Variants in ANKRD11 observed in about 807,000 individuals in gnomAD.
ANKRD11 encodes ankyrin repeat domain-containing protein 11.
A neutral mutation model predicts 195.7 loss-of-function variants in ANKRD11; 17 were observed. That is an observed-to-expected ratio of 0.09 (90% CI 0.06 to 0.13). The LOEUF (loss-of-function observed/expected upper bound fraction) is 0.13, where lower values mean the gene tolerates loss of function less well. Among genes scored for constraint, ANKRD11 ranks in the 10% least tolerant of loss-of-function variants. The pLI is 1.00. For missense variants in ANKRD11, 3,735 were observed against 3,566.1 expected (o/e 1.05, Z -1.21); for synonymous variants, 1,953 against 1,528.1 (o/e 1.28, Z -6.49).
intron 1 of ANKRD11, among the ~76,000 whole-genome samples, chr16:89,432,990 C>T (rs12925182): frequency 3.1e-5 from 4 of 128,934 alleles, no homozygotes; most frequent in African/African-American, 1.0e-4. Flanking sequence ...CTCTCTCTCT[C>T]CTCTCTCTCA....
intron 2 of ANKRD11, among the ~76,000 whole-genome samples, chr16:89,393,197 C>G (rs966205142): frequency 6.6e-6 from 1 of 152,180 alleles, no homozygotes; most frequent in Non-Finnish European, 1.5e-5. Flanking sequence ...CTTGAGAGCA[C>G]GACGCCAGCC....
chr16:89,486,077 GTTTC>G (rs916655924), intron 1 of ANKRD11, among the ~76,000 whole-genome samples: 5 of 152,124 alleles, frequency 3.3e-5, no homozygotes, highest in Admixed American at 1.3e-4. Flanking sequence ...CTCCCTTTAT[GTTTC>G]TTTATCTCTT....
At chr16:89,278,679 G>C (rs776571203) in intron 9 of ANKRD11, 2 of 477,016 alleles carry the variant, frequency 4.2e-6, no homozygotes, top group South Asian at 3.1e-5. Context: ...GCGGGTCCAA[G>C]GGAGAAGGGG....
intron 2 of ANKRD11, among the ~76,000 whole-genome samples, chr16:89,390,022 G>A (rs1421715920): frequency 4.7e-5 from 4 of 84,608 alleles, no homozygotes; most frequent in Admixed American, 1.2e-4. Context: ...GGCGAACACC[G>A]AGTGTGACGG....
At chr16:89,311,973 C>A (rs2036630497) in intron 3 of ANKRD11, among the ~76,000 whole-genome samples, 1 of 152,218 alleles carries the variant, frequency 6.6e-6, no homozygotes, top group Non-Finnish European at 1.5e-5. Context: ...TCTCAGCTCA[C>A]TGCAGCCCAT....
chr16:89,410,500 C>T (rs575093397), intron 2 of ANKRD11, among the ~76,000 whole-genome samples: 7 of 152,236 alleles, frequency 4.6e-5, no homozygotes, highest in South Asian at 4.1e-4. Flanking sequence ...TCAGGAACCA[C>T]GCAGAGCCAC....
chr16:89,433,803 G>A (rs1308231531), intron 1 of ANKRD11, among the ~76,000 whole-genome samples: 2 of 152,258 alleles, frequency 1.3e-5, no homozygotes, highest in Admixed American at 6.5e-5. Flanking sequence ...GGGCTTGGAC[G>A]CGGGGACTGG....
intron 1 of ANKRD11, among the ~76,000 whole-genome samples, chr16:89,455,597 T>G (rs570735759): frequency 3.1e-4 from 47 of 152,042 alleles, no homozygotes; most frequent in African/African-American, 9.9e-4. Flanking sequence ...AATAAAAAAC[T>G]TCTAACAAGC....
At chr16:89,430,933 CCT>C (rs2042952319) in intron 1 of ANKRD11, among the ~76,000 whole-genome samples, 2 of 152,098 alleles carry the variant, frequency 1.3e-5, no homozygotes, top group Non-Finnish European at 1.5e-5. Context: ...AAAGGAAACC[CCT>C]GTGAGCCTGG....
intron 2 of ANKRD11, among the ~76,000 whole-genome samples, chr16:89,384,529 G>T (rs1597228014): frequency 7.6e-6 from 1 of 131,796 alleles, no homozygotes; most frequent in South Asian, 2.4e-4. Context: ...GGAACAGGAT[G>T]GGATGGGACT....
chr16:89,283,622 C>G lies in ANKRD11; in HGVS notation c.2920G>C (p.Glu974Gln), dbSNP rs780584403. The change falls in exon 9 of 13, where the codon GAG becomes CAG. Residue 974 changes from glutamate to glutamine, a missense_variant. By Grantham distance (29) the Glu-to-Gln change is conservative. Coordinates refer to ENST00000301030, the MANE Select transcript of ANKRD11 (RefSeq NM_013275.6). The surrounding 1 kb of genome is among the most constrained non-coding windows in gnomAD (Gnocchi z 4.3). ...TCGCAGCCACACTCCTTCAGCTCCT[C>G]CCGGTGCGCCTCCTCGGGCTTGGCC... is the stretch of plus-strand genomic sequence containing the variant. The part of the protein sequence containing the change: ...GRAKPEEAHR[E>Q]ELKECGCESG... 3 of 1,610,360 alleles carry G rather than the reference C, an allele frequency of 1.9e-6. No homozygotes were observed. Among genetic ancestry groups the G allele is most frequent in the Admixed American group, 1.7e-5 (1 of 60,024 alleles).
chr16:89,344,832 G>A (rs2038863591), intron 2 of ANKRD11, among the ~76,000 whole-genome samples: 1 of 152,230 alleles, frequency 6.6e-6, no homozygotes, highest in African/African-American at 2.4e-5. Flanking sequence ...GACGAGGCGT[G>A]AGACTCTCAA....
At chr16:89,453,647 T>G (rs904282446) in intron 1 of ANKRD11, among the ~76,000 whole-genome samples, 1 of 152,090 alleles carries the variant, frequency 6.6e-6, no homozygotes, top group Admixed American at 6.6e-5. Context: ...AAGCATCTGT[T>G]CAAGCACGAA....
At chr16:89,287,879 C>T (rs551648156) in intron 7 of ANKRD11, 61 of 328,416 alleles carry the variant, frequency 1.9e-4, no homozygotes, top group African/African-American at 1.2e-3. Context: ...GATGTGGCCC[C>T]GTGTGACCCC....
At chr16:89,473,977 T>C (rs2057173212) in intron 1 of ANKRD11, among the ~76,000 whole-genome samples, 1 of 152,196 alleles carries the variant, frequency 6.6e-6, no homozygotes, top group African/African-American at 2.4e-5. Context: ...CAGAAGACTC[T>C]TTGCTGTTTT....
At chr16:89,457,763 G>T (rs1375386952) in intron 1 of ANKRD11, among the ~76,000 whole-genome samples, 1 of 152,024 alleles carries the variant, frequency 6.6e-6, no homozygotes, top group African/African-American at 2.4e-5. Flanking sequence ...AATACCTGGG[G>T]TATCAAAACT....
chr16:89,407,307 A>G (rs1337287766), intron 2 of ANKRD11, among the ~76,000 whole-genome samples: 1 of 152,142 alleles, frequency 6.6e-6, no homozygotes, highest in Non-Finnish European at 1.5e-5. Context: ...CACGGGGGGA[A>G]AAAGAAAAAA....
In ANKRD11 at chr16:89,280,861, G is replaced by C. The variant is rs760261187; in HGVS notation, c.5681C>G (p.Pro1894Arg). ...SSLQAKPSPS[P>R]RAELLVPSLE... Reference sequence around the variant, plus strand: ...GGAAGGAACCAGCAGCTCGGCTCTGGGGGAAGGGGAAGGTTTTGCTTGTAA... The same window carrying C: ...GGAAGGAACCAGCAGCTCGGCTCTGCGGGAAGGGGAAGGTTTTGCTTGTAA... The change falls in exon 9 of 13, where the codon CCC becomes CGC. Residue 1894 changes from proline to arginine, a missense_variant. Coordinates refer to ENST00000301030, the MANE Select transcript of ANKRD11 (RefSeq NM_013275.6). 6.2e-7 allele frequency: 1 copy of C among 1,604,872 alleles called. No individual in the cohort carries two copies. Among genetic ancestry groups the C allele is most frequent in the Non-Finnish European group, 8.5e-7 (1 of 1,173,150 alleles).
Position 89,284,728 on chromosome 16 carries a change from G to A in ANKRD11, c.1814C>T (p.Ser605Leu), listed in dbSNP as rs749017226. The change falls in exon 9 of 13, where the codon TCG (serine) becomes TTG (leucine). Residue 605 changes from serine to leucine, a missense_variant. By Grantham distance (145) the Ser-to-Leu change is moderately radical. Transcript: ENST00000301030. ...GGACAGGAAGGGGCTCTTCTTCTCCGACAGGGAGGCTCGCTTCCTGTGCTC... is the reference window on the plus strand; with the variant it reads ...GGACAGGAAGGGGCTCTTCTTCTCCAACAGGGAGGCTCGCTTCCTGTGCTC... ...RQEHRKRASL[S>L]EKKSPFLSSA... 15 of 1,613,698 alleles carry A rather than the reference G, an allele frequency of 9.3e-6. No individual in the cohort carries two copies. The highest frequency in any genetic ancestry group is 3.3e-5 in the South Asian group (3 of 91,082).
Sources: allele counts gnomAD v4.1 joint callset (sites outside exome capture counted in the v4.1 genomes callset), GRCh38; gene constraint gnomAD v4.1.1; non-coding constraint Gnocchi (gnomAD v3.1); transcripts MANE v1.5; gene names NCBI Gene and HGNC (gene_info 2026-07-23, HGNC 2026-07-21).